NOL4: variants seen among roughly 807,000 people sequenced by gnomAD.
The protein encoded by NOL4 is cancer/testis antigen 125.
A neutral mutation model predicts 75.9 loss-of-function variants in NOL4; 17 were observed. That is an observed-to-expected ratio of 0.22 (90% CI 0.15 to 0.34). The LOEUF (loss-of-function observed/expected upper bound fraction) is 0.34. NOL4 is among the 10% of genes least tolerant of loss of function. The pLI is 1.00. For missense variants in NOL4, 614 were observed against 793.5 expected, an observed-to-expected ratio of 0.77 and a Z score of 2.72; for synonymous variants, 292 against 289.9, an observed-to-expected ratio of 1.01 and a Z score of -0.07.
intron 9 of NOL4, 89 bp from the exon 10 acceptor site, chr18:33,883,513 G>T: frequency 2.1e-6 from 2 of 944,224 alleles, no homozygotes; most frequent in Non-Finnish European, 2.9e-6. Flanking sequence ...CTAAATACCT[G>T]CATTGAATAA....
chr18:33,930,310 T>C (rs1002552254), intron 9 of NOL4, among the ~76,000 whole-genome samples: 1 of 152,160 alleles, frequency 6.6e-6, no homozygotes, highest in Non-Finnish European at 1.5e-5. Context: ...ATAAATGTTA[T>C]TATAACCATT....
rs1009972593 is a variant in NOL4 at position 33,944,927 on chromosome 18, T to A, written c.1429-1749A>T. Among the ~76,000 whole-genome samples the A allele has an allele frequency of 3.9e-5, 6 of 151,984 alleles. No homozygotes were observed. In the South Asian group the frequency reaches 8.3e-4, roughly 21 times the overall value. On this transcript the variant is annotated intron_variant, in intron 8 of 10. Coordinates refer to ENST00000261592, the MANE Select transcript of NOL4 (RefSeq NM_003787.5). ...CATTAACCGATGATCACTGCCTGGCTCAAAAATGTAGTCCAACTACATGGG... is the reference window on the plus strand; with the variant it reads ...CATTAACCGATGATCACTGCCTGGCACAAAAATGTAGTCCAACTACATGGG...
intron 1 of NOL4, among the ~76,000 whole-genome samples, chr18:34,200,225 A>C (rs2146475910): frequency 6.6e-6 from 1 of 151,920 alleles, no homozygotes; most frequent in East Asian, 1.9e-4. Flanking sequence ...CTGGACCACA[A>C]GCCCTGTTGA....
chr18:33,939,583 T>C (rs1233441614), intron 9 of NOL4, among the ~76,000 whole-genome samples: 1 of 152,108 alleles, frequency 6.6e-6, no homozygotes. Flanking sequence ...TGTCTGTTAT[T>C]GGTGTATAGG....
intron 6 of NOL4, among the ~76,000 whole-genome samples, chr18:33,984,637 C>T (rs2072283936): frequency 2.6e-5 from 4 of 152,112 alleles, no homozygotes; most frequent in Admixed American, 2.6e-4. Flanking sequence ...GACGTCTGCT[C>T]CCTCTTTGCC....
chr18:33,860,824 T>C (rs998297711), intron 10 of NOL4, among the ~76,000 whole-genome samples: 7 of 152,232 alleles, frequency 4.6e-5, no homozygotes, highest in Non-Finnish European at 8.8e-5. Flanking sequence ...ACCTAATTTA[T>C]TGAGAGTTTT....
At chr18:34,115,410 T>C (rs1600642605) in intron 2 of NOL4, among the ~76,000 whole-genome samples, 1 of 152,262 alleles carries the variant, frequency 6.6e-6, no homozygotes, top group Non-Finnish European at 1.5e-5. Flanking sequence ...GCAAGCCTCC[T>C]GCCTCAGCCT....
intron 1 of NOL4, among the ~76,000 whole-genome samples, chr18:34,176,924 A>G (rs1452886531): frequency 6.6e-6 from 1 of 152,120 alleles, no homozygotes; most frequent in African/African-American, 2.4e-5. Context: ...TACTGAAAGC[A>G]ATAAGAGAGA....
At chr18:34,194,917 G>C (rs1279745106) in intron 1 of NOL4, among the ~76,000 whole-genome samples, 1 of 151,596 alleles carries the variant, frequency 6.6e-6, no homozygotes, top group Non-Finnish European at 1.5e-5. Context: ...CTAGCTACTC[G>C]TGAGGCTAGG....
intron 10 of NOL4, among the ~76,000 whole-genome samples, chr18:33,872,649 G>C (rs2063754207): frequency 6.6e-6 from 1 of 151,944 alleles, no homozygotes; most frequent in African/African-American, 2.4e-5. Context: ...TGATGGGAAT[G>C]TTTCTTTGTG....
intron 10 of NOL4, among the ~76,000 whole-genome samples, chr18:33,863,185 A>G (rs1325660497): frequency 6.6e-6 from 1 of 151,250 alleles, no homozygotes; most frequent in Non-Finnish European, 1.5e-5. Flanking sequence ...AAAACCAAAC[A>G]CCACATATTC....
intron 1 of NOL4, among the ~76,000 whole-genome samples, chr18:34,167,945 C>T (rs762598126): frequency 6.6e-6 from 1 of 152,030 alleles, no homozygotes; most frequent in African/African-American, 2.4e-5. Flanking sequence ...CACTAAATCT[C>T]TTTTTAATGT....
chr18:34,198,377 A>AATTTCT (rs2035487698), intron 1 of NOL4, among the ~76,000 whole-genome samples: 1 of 151,784 alleles, frequency 6.6e-6, no homozygotes, highest in Admixed American at 6.6e-5. Context: ...TGCCTCATAA[A>AATTTCT]ATTTCTGACA....
chr18:34,037,406 T>TAA (rs60891535), intron 5 of NOL4, among the ~76,000 whole-genome samples: 4 of 151,638 alleles, frequency 2.6e-5, no homozygotes, highest in Admixed American at 6.6e-5. Context: ...TTCACAGAAA[T>TAA]AAAAAAATCT....
At chr18:34,056,237 G>A (rs1257765870) in intron 5 of NOL4, among the ~76,000 whole-genome samples, 2 of 152,132 alleles carry the variant, frequency 1.3e-5, no homozygotes, top group Non-Finnish European at 2.9e-5. Context: ...TTGGGCATTT[G>A]AGAACACATT....
chr18:33,930,644 T>C (rs2067622907), intron 9 of NOL4, among the ~76,000 whole-genome samples: 1 of 152,256 alleles, frequency 6.6e-6, no homozygotes, highest in East Asian at 1.9e-4. Flanking sequence ...ACAAAAAGTA[T>C]ATTTATAGGT....
chr18:34,194,974 A>G (rs1167716521), intron 1 of NOL4, among the ~76,000 whole-genome samples: 1 of 151,748 alleles, frequency 6.6e-6, no homozygotes, highest in Non-Finnish European at 1.5e-5. Flanking sequence ...GGGTGAGCCG[A>G]GATCACGCCA....
chr18:33,952,875 G>C (rs374026200), intron 8 of NOL4, among the ~76,000 whole-genome samples: 1 of 152,158 alleles, frequency 6.6e-6, no homozygotes, highest in African/African-American at 2.4e-5. Context: ...GGTGAGCTGA[G>C]GTCATGCCAT....
rs548233573 is a variant in NOL4 at position 33,938,314 on chromosome 18, TA to T, written c.1542+4750del. Among the ~76,000 whole-genome samples, 463 of 152,172 alleles carry T rather than the reference TA, an allele frequency of 3.0e-3. 2 individuals carry two copies. Among genetic ancestry groups the T allele is most frequent in the African/African-American group, 0.011 (445 of 41,540 alleles). ...TAGTAAATCTTAAAAGAGTTTAATTTAAAAAAATTATTTCTTCATTATTCCC... is the reference window on the plus strand; with the variant it reads ...TAGTAAATCTTAAAAGAGTTTAATTTAAAAAATTATTTCTTCATTATTCCC... On this transcript the variant is annotated intron_variant, in intron 9 of 10. Coordinates refer to ENST00000261592, the MANE Select transcript of NOL4 (RefSeq NM_003787.5).
Sources: gnomAD v4.1 joint callset for allele counts (sites outside exome capture counted in the v4.1 genomes callset) on GRCh38, gnomAD v4.1.1 for gene constraint, MANE v1.5 for transcripts, NCBI Gene and HGNC (gene_info 2026-07-23, HGNC 2026-07-21) for gene names.